Variants in GON4L observed in about 807,000 individuals in gnomAD.
The protein encoded by GON4L is gon-4 like, also known as GON-4-like protein.
In GON4L, 87 loss-of-function variants were observed where a neutral mutation model predicts 211.8. The ratio of observed to expected loss-of-function variants is 0.41; its 90% CI spans 0.35 to 0.49. The LOEUF is 0.49. GON4L is among the 20% of genes least tolerant of loss of function. The pLI is 0.15. For synonymous variants in GON4L, 875 were observed against 962.6 expected, an observed-to-expected ratio of 0.91 and a Z score of 1.68; for missense variants, 2,155 against 2,659.5, an observed-to-expected ratio of 0.81 and a Z score of 4.17.
chr1:155,773,009 A>G, intron 18 of GON4L, 57 bp downstream of exon 18: 1 of 1,603,814 alleles, frequency 6.2e-7, no homozygotes, highest in Non-Finnish European at 8.5e-7. Flanking sequence ...CCTCAAAGGA[A>G]CTACATCTTC....
downstream of GON4L, chr1:155,748,417 C>G (rs1428309030): frequency 6.2e-7 from 1 of 1,611,078 alleles, no homozygotes; most frequent in Non-Finnish European, 8.5e-7. Flanking sequence ...TGCCCTTCCA[C>G]TGCAGTGCCA....
intron 2 of GON4L, among the ~76,000 whole-genome samples, chr1:155,833,526 G>T (rs143232725): frequency 6.7e-6 from 1 of 150,172 alleles, no homozygotes; most frequent in Non-Finnish European, 1.5e-5. Flanking sequence ...GGTGCCTGTA[G>T]TCCCAGCTAC....
rs778103167 is a variant in GON4L, at chr1:155,766,625, T to C, written c.2848A>G (p.Ile950Val). Residue 950 changes from isoleucine to valine, a missense_variant, in exon 21 of 32, where the codon ATC becomes GTC. Physicochemically the swap from Ile to Val is conservative, Grantham distance 29. Transcript: ENST00000368331. ...TTTTCTAGGCTTCGATCTGAGTTGA[T>C]CTCAGTGGTTCCAGTCATATTTCCT... ...EVGNMTGTTE[I>V]NSDRSLEKDN... 3 of 1,614,188 alleles carry C rather than the reference T, an allele frequency of 1.9e-6. No homozygotes were observed. The highest frequency in any genetic ancestry group is 1.1e-5 in the South Asian group (1 of 91,080).
intron 10 of GON4L, among the ~76,000 whole-genome samples, chr1:155,810,492 G>A (rs1319446339): frequency 6.7e-6 from 1 of 149,836 alleles, no homozygotes; most frequent in Non-Finnish European, 1.5e-5. Context: ...CGGATCATGA[G>A]GTCAGGAGAT....
chr1:155,820,781 G>C, intron 5 of GON4L, 125 bp from the exon 6 acceptor site: 1 of 729,300 alleles, frequency 1.4e-6, no homozygotes, highest in Non-Finnish European at 2.4e-6. Flanking sequence ...AGGAGTTTGA[G>C]ACCAGCCTGA....
chr1:155,801,862 G>A (rs910657974), intron 11 of GON4L, among the ~76,000 whole-genome samples: 6 of 151,912 alleles, frequency 3.9e-5, no homozygotes, highest in Admixed American at 6.6e-5. Context: ...CAGTCTGGGC[G>A]ACAGAGCGAG....
At chr1:155,807,704 A>AG (rs1491236824) in intron 10 of GON4L, among the ~76,000 whole-genome samples, 1 of 27,624 alleles carries the variant, frequency 3.6e-5, no homozygotes, top group African/African-American at 7.9e-5. Flanking sequence ...ACTCCGTCTC[A>AG]AAAAAAAAAA....
chr1:155,846,574 A>G (rs1300738332), intron 2 of GON4L: 1 of 152,060 alleles, frequency 6.6e-6, no homozygotes, highest in Non-Finnish European at 1.5e-5. Context: ...AGGATACAAA[A>G]GACGACAAAG....
intron 2 of GON4L, among the ~76,000 whole-genome samples, chr1:155,842,655 G>A (rs2102423149): frequency 6.6e-6 from 1 of 151,974 alleles, no homozygotes; most frequent in African/African-American, 2.4e-5. Flanking sequence ...GGCCAACATG[G>A]TGAAACCCTG....
At chr1:155,804,764 G>A (rs1666984912) in intron 11 of GON4L, among the ~76,000 whole-genome samples, 185 bp downstream of exon 11, 1 of 151,086 alleles carries the variant, frequency 6.6e-6, no homozygotes, top group African/African-American at 2.4e-5. Flanking sequence ...CTGGGTGACA[G>A]AGTGAGACCC....
chr1:155,853,220 A>T, intron 2 of GON4L, 56 bp downstream of exon 2: 1 of 1,393,984 alleles, frequency 7.2e-7, no homozygotes, highest in Non-Finnish European at 1.0e-6. Flanking sequence ...ATCCAGAAAT[A>T]GCAATGGCAA....
In GON4L at chr1:155,750,819, A is replaced by G. The variant is rs1442985764; in HGVS notation, c.6577-86T>C. The stretch of plus-strand genomic sequence containing the variant: ...CTCTCTGTTGCTGAGACTGGAGTGC[A>G]GTGGCACTGTGTCAGCTTACTGCAA... On this transcript the variant is annotated intron_variant, in intron 31 of 31. Transcript: ENST00000368331. The G allele has an allele frequency of 6.8e-6, 9 of 1,314,066 alleles. No homozygotes were observed. In the African/African-American group the frequency reaches 7.3e-5, roughly 11 times the overall value. 81.4% of individuals were successfully genotyped at this position (1,314,066 alleles called of 1,614,324 possible). A position where few individuals can be genotyped will look rare whatever the true frequency, so the allele number is the denominator to read the frequency against.
chr1:155,760,253 A>G (rs1320885666), intron 24 of GON4L, among the ~76,000 whole-genome samples, 191 bp downstream of exon 24: 1 of 152,116 alleles, frequency 6.6e-6, no homozygotes, highest in African/African-American at 2.4e-5. Context: ...TTTATCATGT[A>G]AAGAAAATGG....
At position 155,814,189 on chromosome 1, in the gene GON4L, C is replaced by G. The variant is rs1201412565; in HGVS notation, c.1281+141G>C. ...TTGGCTATCACTGAGTTCTAGCCTTCTCTGAACTGTTTACTAACTTAAGAA... is the reference window on the plus strand; with the variant it reads ...TTGGCTATCACTGAGTTCTAGCCTTGTCTGAACTGTTTACTAACTTAAGAA... On this transcript the variant is annotated intron_variant, in intron 9 of 31. Transcript: ENST00000368331. 4 of 902,692 alleles carry G rather than the reference C, an allele frequency of 4.4e-6. No homozygotes were observed. In the Admixed American group the frequency reaches 5.6e-5, roughly 13 times the overall value. 55.9% of individuals were successfully genotyped at this position (902,692 alleles called of 1,614,324 possible).
chr1:155,797,402 C>T (rs997266479), intron 11 of GON4L, among the ~76,000 whole-genome samples: 5 of 151,910 alleles, frequency 3.3e-5, no homozygotes, highest in African/African-American at 1.2e-4. Flanking sequence ...AGGCGTGAGC[C>T]ACAGAGTCTG....
At chr1:155,840,142 T>C (rs1234547461) in intron 2 of GON4L, among the ~76,000 whole-genome samples, 2 of 152,222 alleles carry the variant, frequency 1.3e-5, no homozygotes, top group African/African-American at 4.8e-5. Context: ...ATACTCTTGG[T>C]TTTTCTTGAC....
At chr1:155,840,327 T>C (rs917402125) in intron 2 of GON4L, among the ~76,000 whole-genome samples, 14 of 152,222 alleles carry the variant, frequency 9.2e-5, no homozygotes, top group Admixed American at 2.6e-4. Flanking sequence ...TGCAGAGAGA[T>C]TACCACTTTG....
In GON4L at chr1:155,812,967, A is replaced by G. The variant is rs570949342; in HGVS notation, c.1452+667T>C. 2.0e-5 allele frequency among the ~76,000 whole-genome samples: 3 copies of G among 152,340 alleles called. No homozygotes were observed. In the East Asian group the frequency reaches 5.8e-4, roughly 29 times the overall value. ...AGAGGTAAAATGGCATCATGCCTGC[A>G]TCACACTCTAAAATGATTTAGAAAA... On this transcript the variant is annotated intron_variant, in intron 10 of 31. Transcript: ENST00000368331.
intron 2 of GON4L, among the ~76,000 whole-genome samples, chr1:155,829,963 T>G (rs1478184703): frequency 6.6e-6 from 1 of 151,808 alleles, no homozygotes; most frequent in African/African-American, 2.4e-5. Flanking sequence ...TTGTTTTTTT[T>G]TTTTCCAGAC....
Sources: allele counts gnomAD v4.1 joint callset (sites outside exome capture counted in the v4.1 genomes callset), GRCh38; gene constraint gnomAD v4.1.1; transcripts MANE v1.5; gene names NCBI Gene and HGNC (gene_info 2026-07-23, HGNC 2026-07-21).